The following SNX29 variants were observed in gnomAD, a reference collection of about 807,000 sequenced individuals.
SNX29 encodes sorting nexin-29.
A neutral mutation model predicts 102.1 loss-of-function variants in SNX29; 78 were observed. The ratio of observed to expected loss-of-function variants is 0.76; its 90% CI spans 0.64 to 0.92. SNX29 has a LOEUF of 0.92. Among genes scored for constraint, SNX29 ranks in the 40% least tolerant of loss-of-function variants. The pLI, the probability that SNX29 is intolerant of heterozygous loss-of-function variation, is 0.00. For missense variants in SNX29, 1,280 were observed against 1,061.7 expected (o/e 1.21, Z -2.86); for synonymous variants, 580 against 414.5 (o/e 1.40, Z -4.85).
At chr16:12,538,484 C>G (rs575906869) in intron 20 of SNX29, among the ~76,000 whole-genome samples, 64 of 152,100 alleles carry the variant, frequency 4.2e-4, no homozygotes, top group Non-Finnish European at 7.5e-4. Context: ...TGCTGTGTAA[C>G]ATACATCTAT....
At chr16:12,555,443 A>G (rs772405917) in intron 20 of SNX29, among the ~76,000 whole-genome samples, 2 of 151,950 alleles carry the variant, frequency 1.3e-5, no homozygotes, top group African/African-American at 2.4e-5. Context: ...ACACTCATGT[A>G]CGCAGGGTGT....
rs181563696 is a variant in SNX29, at chr16:12,568,695, G to A, written c.*66G>A. 1,299 of 1,573,360 alleles carry A rather than the reference G, an allele frequency of 8.3e-4. 1 individual carries two copies. The highest frequency in any genetic ancestry group is 8.8e-4 in the Non-Finnish European group (1,026 of 1,164,940). The stretch of plus-strand genomic sequence containing the variant: ...AGCTGCGTCCACCCCAGCCACTGCC[G>A]CTGGCCCCTCACCTCAGCGTGACAA... On this transcript the variant is annotated 3_prime_UTR_variant, in exon 21 of 21. Transcript: ENST00000566228.
chr16:12,444,711 G>A (rs760249672), intron 18 of SNX29, among the ~76,000 whole-genome samples: 15 of 152,022 alleles, frequency 9.9e-5, no homozygotes, highest in East Asian at 1.9e-4. Flanking sequence ...CCTTCCCTCT[G>A]TCTCTTCCTT....
Position 12,423,120 on chromosome 16 carries a change from C to T in SNX29, c.2037+19591C>T, listed in dbSNP as rs80322286. The stretch of plus-strand genomic sequence containing the variant: ...TGATACCAAGCCTTCATGCTACAGG[C>T]ACAATGCAAGTTCCAAAGATGGACC... On this transcript the variant is annotated intron_variant, in intron 18 of 20. Transcript: ENST00000566228. Among the ~76,000 whole-genome samples, 1,016 of 152,078 alleles carry T rather than the reference C, an allele frequency of 6.7e-3. 15 individuals carry two copies. The highest frequency in any genetic ancestry group is 0.023 in the African/African-American group (955 of 41,494).
chr16:12,318,420 C>T (rs1335651482), intron 15 of SNX29, among the ~76,000 whole-genome samples: 5 of 152,126 alleles, frequency 3.3e-5, no homozygotes, highest in Admixed American at 6.5e-5. Flanking sequence ...TTTCTGCCTC[C>T]GGTCAGAGTC....
intron 1 of SNX29, among the ~76,000 whole-genome samples, chr16:11,987,404 T>A (rs1318139686): frequency 2.3e-4 from 2 of 8,590 alleles, no homozygotes; most frequent in Non-Finnish European, 1.2e-3. Flanking sequence ...ACTTTTACTC[T>A]TTTTTTTTTT....
At chr16:12,566,720 A>G (rs1567220277) in intron 20 of SNX29, among the ~76,000 whole-genome samples, 1 of 152,206 alleles carries the variant, frequency 6.6e-6, no homozygotes, top group South Asian at 2.1e-4. Context: ...CTTTGAAGAG[A>G]GGATCATGTT....
chr16:12,028,950 G>T (rs2057266505), intron 4 of SNX29, among the ~76,000 whole-genome samples: 1 of 152,074 alleles, frequency 6.6e-6, no homozygotes, highest in Non-Finnish European at 1.5e-5. Flanking sequence ...GTTTCACCAT[G>T]TTGGCCAGGC....
chr16:12,119,281 C>T (rs1156688490), intron 11 of SNX29, among the ~76,000 whole-genome samples: 2 of 152,198 alleles, frequency 1.3e-5, no homozygotes, highest in Non-Finnish European at 2.9e-5. Flanking sequence ...TCTGTATCCG[C>T]TTTTGGGATG....
intron 4 of SNX29, chr16:12,029,567 A>G (rs1350407434): frequency 1.1e-5 from 5 of 450,472 alleles, no homozygotes; most frequent in Non-Finnish European, 2.2e-5. Context: ...CGTTTGATGC[A>G]TTTGATGGCA....
intron 4 of SNX29, among the ~76,000 whole-genome samples, chr16:12,030,333 C>T (rs141616970): frequency 0.01 from 1,576 of 152,280 alleles, 24 homozygotes; most frequent in African/African-American, 0.036. Flanking sequence ...CTCTATTTGG[C>T]GTACAGCACG....
At chr16:12,017,713 C>G (rs952282113) in intron 3 of SNX29, among the ~76,000 whole-genome samples, 2 of 151,922 alleles carry the variant, frequency 1.3e-5, no homozygotes, top group African/African-American at 2.4e-5. Flanking sequence ...TTCATTCTGT[C>G]TGTGGTTTGC....
chr16:12,434,145 C>T (rs2085429508), intron 18 of SNX29, among the ~76,000 whole-genome samples: 1 of 152,220 alleles, frequency 6.6e-6, no homozygotes, highest in African/African-American at 2.4e-5. Flanking sequence ...TGGATTGAAA[C>T]ATGCTTCTGC....
chr16:12,479,297 C>T (rs564258370), intron 19 of SNX29, among the ~76,000 whole-genome samples: 1 of 152,344 alleles, frequency 6.6e-6, no homozygotes, highest in South Asian at 2.1e-4. Context: ...CAGGAGGTAC[C>T]GTGCTAGCAT....
intron 20 of SNX29, among the ~76,000 whole-genome samples, chr16:12,554,214 T>C (rs2078177080): frequency 6.6e-6 from 1 of 152,250 alleles, no homozygotes; most frequent in African/African-American, 2.4e-5. Flanking sequence ...TGAGCATATA[T>C]AGAGCAAAAC....
At chr16:12,082,007 T>C (rs2051919864) in intron 11 of SNX29, 1 of 152,316 alleles carries the variant, frequency 6.6e-6, no homozygotes, top group African/African-American at 2.4e-5. Context: ...ATCCTGTTAC[T>C]GAACTGATGG....
Position 12,402,264 on chromosome 16 carries a change from G to C in SNX29, c.1956-1184G>C, listed in dbSNP as rs528009577. Among the ~76,000 whole-genome samples the C allele has an allele frequency of 1.8e-3, 273 of 152,348 alleles. 1 individual carries two copies. Among genetic ancestry groups the C allele is most frequent in the African/African-American group, 6.5e-3 (270 of 41,586 alleles). On this transcript the variant is annotated intron_variant, in intron 17 of 20. Coordinates refer to ENST00000566228, the MANE Select transcript of SNX29 (RefSeq NM_032167.5). The stretch of plus-strand genomic sequence containing the variant: ...TTTCAGGAGAGACCCATTACCTGAA[G>C]GGTTATTGTCATTGTGAAAATGAAA...
intron 20 of SNX29, among the ~76,000 whole-genome samples, chr16:12,542,354 A>T (rs755231043): frequency 6.6e-6 from 1 of 152,188 alleles, no homozygotes. Flanking sequence ...TCAAAAGAAA[A>T]AGTTAGACCC....
At position 12,052,042 on chromosome 16, in the gene SNX29, C is replaced by G. The variant is rs749633501; in HGVS notation, c.944C>G (p.Ser315Cys). The change falls in exon 8 of 21, where the codon TCC becomes TGC. Residue 315 changes from serine (S) to cysteine (C), a missense_variant. Ser to Cys is a moderately radical substitution (Grantham distance 112). Transcript: ENST00000566228. ...SAFESPFGPN[S>C]NGSQSSNSWK... Reference sequence around the variant, plus strand: ...TTTGAAAGCCCCTTCGGGCCTAACTCCAATGGAAGTCAGAGCAGCAACTCA... The same window carrying G: ...TTTGAAAGCCCCTTCGGGCCTAACTGCAATGGAAGTCAGAGCAGCAACTCA... 5 of 1,613,938 alleles carry G rather than the reference C, an allele frequency of 3.1e-6. No individual in the cohort carries two copies. In the East Asian group the frequency reaches 1.1e-4, roughly 36 times the overall value.
Sources: gnomAD v4.1 joint callset for allele counts (sites outside exome capture counted in the v4.1 genomes callset) on GRCh38, gnomAD v4.1.1 for gene constraint, MANE v1.5 for transcripts, NCBI Gene and HGNC (gene_info 2026-07-23, HGNC 2026-07-21) for gene names.